IFT57: variants seen among roughly 807,000 people sequenced by gnomAD.
IFT57 encodes intraflagellar transport protein 57 homolog.
Under a neutral mutation model 56.8 loss-of-function variants are expected in IFT57, and 59 were observed. The observed-to-expected ratio is 1.04, with a 90% CI of 0.84 to 1.29. The LOEUF is 1.29. Among genes scored for constraint, IFT57 ranks in the 50% most tolerant of loss-of-function variants. The pLI, the probability that IFT57 is intolerant of heterozygous loss-of-function variation, is 0.00. For synonymous variants in IFT57, 209 were observed against 186.1 expected (o/e 1.12, Z -1.00); for missense variants, 470 against 522.1 (o/e 0.90, Z 0.97).
chr3:108,202,241 G>A (rs1349691), intron 5 of IFT57, among the ~76,000 whole-genome samples: 13,901 of 152,212 alleles, frequency 0.091, 692 homozygotes, highest in Middle Eastern at 0.12. Context: ...CCGTGATTCT[G>A]TTGAGTTTCA....
intron 4 of IFT57, among the ~76,000 whole-genome samples, chr3:108,211,571 G>A (rs557060563): frequency 1.3e-5 from 2 of 152,306 alleles, no homozygotes; most frequent in East Asian, 3.9e-4. Context: ...CAGGGCCTTG[G>A]CCACTGCCTG....
At chr3:108,199,020 C>T (rs1192308742) in intron 5 of IFT57, among the ~76,000 whole-genome samples, 1 of 152,088 alleles carries the variant, frequency 6.6e-6, no homozygotes, top group Non-Finnish European at 1.5e-5. Flanking sequence ...CAATATCACA[C>T]AAAAAATTTC....
chr3:108,201,877 CA>C (rs1173373250), intron 5 of IFT57, among the ~76,000 whole-genome samples: 1 of 152,190 alleles, frequency 6.6e-6, no homozygotes, highest in African/African-American at 2.4e-5. Context: ...TCTGAAATGA[CA>C]TTTTTACTCT....
Position 108,166,861 on chromosome 3 carries a change from A to G in IFT57, c.974T>C (p.Leu325Pro). ...VQEYRAAQAQ[L>P]SEAKERYQQG... ...AAATCATTCTTAAATTACCTCACTC[A>G]GCTGGGCTTGAGCTGCACGATATTC... The change falls in exon 8 of 11, where the codon CTG (leucine) becomes CCG (proline). Residue 325 changes from leucine to proline, a missense_variant. Leu to Pro is a moderately conservative substitution (Grantham distance 98). Coordinates refer to ENST00000264538, the MANE Select transcript of IFT57 (RefSeq NM_018010.4). The G allele has an allele frequency of 6.2e-7, 1 of 1,608,384 alleles. No individual in the cohort carries two copies.
chr3:108,187,475 T>C (rs1193418963), intron 6 of IFT57, among the ~76,000 whole-genome samples: 1 of 152,150 alleles, frequency 6.6e-6, no homozygotes. Context: ...TGTAATTTCC[T>C]GCTAGGAAGC....
intron 6 of IFT57, among the ~76,000 whole-genome samples, chr3:108,189,901 A>C (rs2080205559): frequency 6.6e-6 from 1 of 152,236 alleles, no homozygotes; most frequent in African/African-American, 2.4e-5. Context: ...TAAGAAAATC[A>C]TAAGAAAGAA....
chr3:108,199,845 T>C lies in IFT57; in HGVS notation c.654+6783A>G, dbSNP rs535168967. 6.2e-4 allele frequency among the ~76,000 whole-genome samples: 95 copies of C among 152,068 alleles called. 1 individual carries two copies. The highest frequency in any genetic ancestry group is 1.1e-3 in the Non-Finnish European group (76 of 68,000). On this transcript the variant is annotated intron_variant, in intron 5 of 10. Coordinates refer to ENST00000264538, the MANE Select transcript of IFT57 (RefSeq NM_018010.4). ...GATAAGGGAAGTGTCACTTAGGAGA[T>C]AGAAGAGATAGAATTTGAGCTGAAC...
At chr3:108,189,334 C>G (rs17239988) in intron 6 of IFT57, among the ~76,000 whole-genome samples, 2 of 152,106 alleles carry the variant, frequency 1.3e-5, no homozygotes, top group Non-Finnish European at 2.9e-5. Context: ...CGCCCTATCC[C>G]GGGACTGCTC....
intron 6 of IFT57, among the ~76,000 whole-genome samples, chr3:108,185,595 G>T (rs12634901): frequency 0.089 from 10,959 of 122,542 alleles, 690 homozygotes; most frequent in East Asian, 0.27. Flanking sequence ...AGTTTCGCTC[G>T]TTGCCCAGGC....
In IFT57 at chr3:108,206,664, A is replaced by C; in HGVS notation, c.618T>G (p.Ile206Met). The C allele has an allele frequency of 7.2e-7, 1 of 1,396,768 alleles. No individual in the cohort carries two copies. Among genetic ancestry groups the C allele is most frequent in the Non-Finnish European group, 9.5e-7 (1 of 1,050,982 alleles). 86.5% of individuals were successfully genotyped at this position (1,396,768 alleles called of 1,614,324 possible). The change falls in exon 5 of 11, where the codon ATT becomes ATG. Residue 206 changes from isoleucine to methionine, a missense_variant. Coordinates refer to ENST00000264538, the MANE Select transcript of IFT57 (RefSeq NM_018010.4). ...TCTGGGCCTTTAAAACGTTGAGATC[A>C]ATAAAGTTTTCTTCATTATCTGTCT... is the stretch of plus-strand genomic sequence containing the variant. ...EEETDNEENFIDLNVLKAQTY... is the reference protein window; with the variant it reads ...EEETDNEENFMDLNVLKAQTY...
intron 6 of IFT57, among the ~76,000 whole-genome samples, chr3:108,191,059 G>A (rs894912202): frequency 1.3e-5 from 2 of 152,132 alleles, no homozygotes; most frequent in African/African-American, 4.8e-5. Flanking sequence ...CCAAAGCGTT[G>A]GGATTACAAA....
rs2080386968 is a variant in IFT57, at chr3:108,218,605, C to G, written c.424G>C (p.Glu142Gln). Residue 142 changes from glutamate to glutamine, a missense_variant, in exon 3 of 11, where the codon GAA (glutamate) becomes CAA (glutamine). Transcript: ENST00000264538. ...CAATCAAGAACATAGCATACATGTT[C>G]TCCATAACCTGACTTTAATTTTGAA... The part of the protein sequence containing the change: ...PPSKLKSGYG[E>Q]HVCYVLDCFA... The G allele has an allele frequency of 6.4e-7, 1 of 1,565,972 alleles. No individual in the cohort carries two copies. Among genetic ancestry groups the G allele is most frequent in the Non-Finnish European group, 8.6e-7 (1 of 1,159,712 alleles).
At chr3:108,217,145 G>A (rs1445733675) in intron 3 of IFT57, among the ~76,000 whole-genome samples, 2 of 152,100 alleles carry the variant, frequency 1.3e-5, no homozygotes, top group African/African-American at 4.8e-5. Flanking sequence ...TGATGAATAT[G>A]TTAATTTCAC....
At chr3:108,188,315 T>A (rs1372182154) in intron 6 of IFT57, among the ~76,000 whole-genome samples, 2 of 152,170 alleles carry the variant, frequency 1.3e-5, no homozygotes, top group African/African-American at 4.8e-5. Context: ...CCTTATTTTC[T>A]CAAGCCAGTA....
At chr3:108,220,272 G>C (rs2080398106) in intron 1 of IFT57, among the ~76,000 whole-genome samples, 1 of 152,152 alleles carries the variant, frequency 6.6e-6, no homozygotes, top group Admixed American at 6.5e-5. Context: ...GTTCTACGAG[G>C]ATCAGTATGA....
Position 108,199,701 on chromosome 3 carries a change from A to G in IFT57, c.654+6927T>C, listed in dbSNP as rs551198811. Among the ~76,000 whole-genome samples the G allele has an allele frequency of 1.2e-4, 18 of 152,348 alleles. No homozygotes were observed. The South Asian group carries it at 3.5e-3, about 30-fold the overall frequency. ...CCCACTATGTTCCACATACTGTTACAGTCCAGGAATAGTGACTAAAACAAT... is the reference window on the plus strand; with the variant it reads ...CCCACTATGTTCCACATACTGTTACGGTCCAGGAATAGTGACTAAAACAAT... On this transcript the variant is annotated intron_variant, in intron 5 of 10. Coordinates refer to ENST00000264538, the MANE Select transcript of IFT57 (RefSeq NM_018010.4).
At chr3:108,190,924 C>G (rs1172088238) in intron 6 of IFT57, among the ~76,000 whole-genome samples, 2 of 152,138 alleles carry the variant, frequency 1.3e-5, no homozygotes, top group African/African-American at 2.4e-5. Flanking sequence ...TCCTGAGTAG[C>G]TGGGATTACA....
At chr3:108,191,735 A>G (rs890689375) in intron 5 of IFT57, 92 bp from the exon 6 acceptor site, 10 of 694,954 alleles carry the variant, frequency 1.4e-5, no homozygotes, top group African/African-American at 1.1e-4. Flanking sequence ...AATTTAAATC[A>G]AGAATTGGTA....
At chr3:108,186,030 T>A (rs1438455344) in intron 6 of IFT57, among the ~76,000 whole-genome samples, 1 of 152,068 alleles carries the variant, frequency 6.6e-6, no homozygotes, top group South Asian at 2.1e-4. Context: ...AAACACAACA[T>A]CTCCAATTCA....
Sources: gnomAD v4.1 joint callset for allele counts (sites outside exome capture counted in the v4.1 genomes callset) on GRCh38, gnomAD v4.1.1 for gene constraint, MANE v1.5 for transcripts, NCBI Gene and HGNC (gene_info 2026-07-23, HGNC 2026-07-21) for gene names.